The following DMD variants were observed in gnomAD, a reference collection of about 807,000 sequenced individuals.
The protein encoded by DMD is mutant dystrophin.
In DMD, 63 loss-of-function variants were observed where a neutral mutation model predicts 330.1. The ratio of observed to expected loss-of-function variants is 0.19; its 90% CI spans 0.16 to 0.24. The LOEUF is 0.24. DMD is among the 10% of genes least tolerant of loss of function. The pLI is 1.00. For synonymous variants in DMD, 1,223 were observed against 959.8 expected, an observed-to-expected ratio of 1.27 and a Z score of -5.07; for missense variants, 3,344 against 2,684.1, an observed-to-expected ratio of 1.25 and a Z score of -5.43.
At chrX:31,604,173 A>G (rs910252224) in intron 55 of DMD, among the ~76,000 whole-genome samples, 3 of 112,409 alleles carry the variant, frequency 2.7e-5, no homozygotes, top group African/African-American at 9.7e-5. Flanking sequence ...CTTCCTAACT[A>G]GTAACCTTGG....
chrX:32,779,085 G>A (rs1404142027), intron 7 of DMD, among the ~76,000 whole-genome samples: 1 of 111,296 alleles, frequency 9.0e-6, no homozygotes, highest in Non-Finnish European at 1.9e-5. Context: ...TTTGTAAACT[G>A]GTGCCTGTAA....
At chrX:32,967,956 A>T (rs535247352) in intron 2 of DMD, among the ~76,000 whole-genome samples, 3 of 111,689 alleles carry the variant, frequency 2.7e-5, no homozygotes, top group African/African-American at 9.7e-5. Flanking sequence ...TGCACATCTT[A>T]TTGTTTCATT....
At chrX:32,647,124 C>T (rs2059832299) in intron 9 of DMD, among the ~76,000 whole-genome samples, 1 of 111,354 alleles carries the variant, frequency 9.0e-6, no homozygotes, top group South Asian at 3.8e-4. Flanking sequence ...TTGCACAGGG[C>T]CCTGAGCGCA....
At chrX:32,964,255 C>CAAAAAAAAA (rs781702491) in intron 2 of DMD, among the ~76,000 whole-genome samples, 1 of 35,188 alleles carries the variant, frequency 2.8e-5, no homozygotes, top group African/African-American at 1.1e-4. Context: ...GACTCCATCT[C>CAAAAAAAAA]AAAAAAAAAA....
intron 1 of DMD, among the ~76,000 whole-genome samples, chrX:33,280,246 G>T (rs2053307962): frequency 9.0e-6 from 1 of 111,590 alleles, no homozygotes; most frequent in African/African-American, 3.3e-5. Flanking sequence ...GCTTCCCAAA[G>T]TGATGGTATT....
At chrX:32,291,030 C>T (rs916380371) in intron 42 of DMD, among the ~76,000 whole-genome samples, 3 of 111,432 alleles carry the variant, frequency 2.7e-5, no homozygotes, top group Admixed American at 9.6e-5. Context: ...GTAACACACA[C>T]GCAAAGCTAG....
At chrX:32,258,606 T>A (rs2097308950) in intron 43 of DMD, among the ~76,000 whole-genome samples, 1 of 109,819 alleles carries the variant, frequency 9.1e-6, no homozygotes. Flanking sequence ...AAGTGGGAGT[T>A]GAACGATGAG....
intron 7 of DMD, among the ~76,000 whole-genome samples, chrX:32,700,883 T>C (rs906527287): frequency 1.8e-5 from 2 of 111,802 alleles, no homozygotes; most frequent in Non-Finnish European, 3.8e-5. Context: ...AAGTCTCAAG[T>C]CCGTTAGCAC....
chrX:33,089,649 C>G (rs1313498349), intron 1 of DMD, among the ~76,000 whole-genome samples: 7 of 111,224 alleles, frequency 6.3e-5, no homozygotes, highest in Non-Finnish European at 1.3e-4. Flanking sequence ...AGTAAAAGAA[C>G]CTAAAGTACA....
intron 12 of DMD, among the ~76,000 whole-genome samples, chrX:32,600,101 T>A (rs905976538): frequency 5.4e-5 from 6 of 111,878 alleles, no homozygotes; most frequent in African/African-American, 2.0e-4. Context: ...TAAACCTGAC[T>A]TTTCTTGTAC....
At chrX:32,066,192 T>A (rs943816439) in intron 44 of DMD, among the ~76,000 whole-genome samples, 2 of 111,503 alleles carry the variant, frequency 1.8e-5, no homozygotes, top group Non-Finnish European at 3.8e-5. Flanking sequence ...TGCACTAAAT[T>A]TCCCCCATCC....
intron 2 of DMD, among the ~76,000 whole-genome samples, chrX:32,859,807 AG>A (rs1287488116): frequency 9.0e-6 from 1 of 111,314 alleles, no homozygotes; most frequent in African/African-American, 3.3e-5. Context: ...TTATATCCTA[AG>A]AACAATATTT....
At chrX:31,984,021 G>A (rs1049915303) in intron 44 of DMD, among the ~76,000 whole-genome samples, 5 of 111,324 alleles carry the variant, frequency 4.5e-5, no homozygotes, top group African/African-American at 6.5e-5. Context: ...AGATATATGC[G>A]AGACATGAAA....
chrX:33,068,357 T>C (rs1412382635), intron 1 of DMD, among the ~76,000 whole-genome samples: 2 of 111,992 alleles, frequency 1.8e-5, no homozygotes, highest in African/African-American at 6.5e-5. Flanking sequence ...GTTCTCCCAG[T>C]GAGTCTAACA....
chrX:31,190,616 GGA>G (rs2042239479), intron 67 of DMD, among the ~76,000 whole-genome samples: 1 of 15,502 alleles, frequency 6.5e-5, no homozygotes, highest in Non-Finnish European at 1.6e-4. Context: ...GGGGGGAGGG[GGA>G]GGGCGGGGAG....
At chrX:33,253,747 G>T (rs1032153429) in intron 1 of DMD, among the ~76,000 whole-genome samples, 1 of 110,827 alleles carries the variant, frequency 9.0e-6, no homozygotes, top group Non-Finnish European at 1.9e-5. Flanking sequence ...AAATATCACC[G>T]TCTCTGATGG....
At chrX:32,757,856 C>A (rs1274685189) in intron 7 of DMD, among the ~76,000 whole-genome samples, 1 of 111,877 alleles carries the variant, frequency 8.9e-6, no homozygotes, top group East Asian at 2.8e-4. Context: ...GTATTTTGCA[C>A]TGTATCCCAT....
intron 7 of DMD, among the ~76,000 whole-genome samples, chrX:32,729,507 G>C (rs931978983): frequency 5.4e-5 from 6 of 111,690 alleles, no homozygotes; most frequent in Non-Finnish European, 9.4e-5. Flanking sequence ...AGCTTGGCAA[G>C]CTGAATGATT....
intron 1 of DMD, among the ~76,000 whole-genome samples, chrX:33,221,549 CAG>C (rs2052177059): frequency 1.8e-5 from 2 of 110,797 alleles, no homozygotes; most frequent in African/African-American, 6.6e-5. Context: ...AAAATAAAAA[CAG>C]AAAAACAGTA....
Sources: allele counts gnomAD v4.1 joint callset (sites outside exome capture counted in the v4.1 genomes callset), GRCh38; gene constraint gnomAD v4.1.1; transcripts MANE v1.5; gene names NCBI Gene and HGNC (gene_info 2026-07-23, HGNC 2026-07-21).